CHD3: variants seen among roughly 807,000 people sequenced by gnomAD.
CHD3 encodes the protein ATP-dependent chromatin remodeler CHD3.
In CHD3, 52 loss-of-function variants were observed where a neutral mutation model predicts 248.9. The ratio of observed to expected loss-of-function variants is 0.21; its 90% CI spans 0.17 to 0.26. The LOEUF (loss-of-function observed/expected upper bound fraction) is 0.26, where lower values mean the gene tolerates loss of function less well. Ranked by LOEUF, CHD3 falls within the 10% of genes least tolerant of loss-of-function variation. The pLI, the probability that CHD3 is intolerant of heterozygous loss-of-function variation, is 1.00. For missense variants in CHD3, 1,482 were observed against 2,605.8 expected (o/e 0.57, Z 9.39); for synonymous variants, 985 against 985.2 (o/e 1.00, Z 0.00).
Position 7,903,449 on chromosome 17 carries a change from C to T in CHD3, c.3673C>T (p.Leu1225Phe). 1 of 1,614,200 alleles carries T rather than the reference C, an allele frequency of 6.2e-7. No homozygotes were observed. The highest frequency in any genetic ancestry group is 8.5e-7 in the Non-Finnish European group (1 of 1,180,046). ...GGCAGGCTCCATGTCCAAGCAGGAG[C>T]TTGACGACATTCTCAAATTTGGCAC... is the stretch of plus-strand genomic sequence containing the variant. ...SKAGSMSKQE[L>F]DDILKFGTEE... The change falls in exon 23 of 40, where the codon CTT (leucine) becomes TTT (phenylalanine). Residue 1225 changes from leucine to phenylalanine, a missense_variant. Transcript: ENST00000330494. This position sits in a 1 kb window ranked among gnomAD's most constrained non-coding sequence, Gnocchi z 6.8.
Position 7,900,812 on chromosome 17 carries a change from T to A in CHD3, c.2979-40T>A. 6.2e-7 allele frequency: 1 copy of A among 1,611,732 alleles called. No individual in the cohort carries two copies. Among genetic ancestry groups the A allele is most frequent in the Non-Finnish European group, 8.5e-7 (1 of 1,178,350 alleles). ...CAAGTGCAATATCATAATTGCTTCC[T>A]TTATTTATGTTTCTTTTACACCCCT... On this transcript the variant is annotated intron_variant, in intron 18 of 39. Transcript: ENST00000330494. This position sits in a 1 kb window ranked among gnomAD's most constrained non-coding sequence, Gnocchi z 6.5.
In CHD3 at chr17:7,906,470, C is replaced by A. The variant is rs1970965857; in HGVS notation, c.4359-83C>A. ...CTGGGGATTTGGGGGTTTGGGGGTC[C>A]TCAGTCATCCTCGCGCCTCCCTCAC... On this transcript the variant is annotated intron_variant, in intron 28 of 39. Coordinates refer to ENST00000330494, the MANE Select transcript of CHD3 (RefSeq NM_001005273.3). This position sits in a 1 kb window ranked among gnomAD's most constrained non-coding sequence, Gnocchi z 5.0. 1 of 1,473,896 alleles carries A rather than the reference C, an allele frequency of 6.8e-7. No homozygotes were observed. The highest frequency in any genetic ancestry group is 9.4e-7 in the Non-Finnish European group (1 of 1,068,666). The allele number at this position is 1,473,896 out of a possible 1,614,324, so 91.3% of individuals were successfully genotyped here.
Position 7,909,467 on chromosome 17 carries a change from C to T in CHD3, c.5590+129C>T, listed in dbSNP as rs1049134141. 1.7e-5 allele frequency: 23 copies of T among 1,317,706 alleles called. No individual in the cohort carries two copies. The African/African-American group carries it at 3.2e-4, about 18-fold the overall frequency. The allele number at this position is 1,317,706 out of a possible 1,614,324, so 81.6% of individuals were successfully genotyped here. On this transcript the variant is annotated intron_variant, in intron 37 of 39. Transcript: ENST00000330494. The surrounding 1 kb of genome is among the most constrained non-coding windows in gnomAD (Gnocchi z 8.1). ...TGAACCATCCCCCTCTGACCTCTAA[C>T]CCCACTCCTACCGACCTGGCACCCC... is the stretch of plus-strand genomic sequence containing the variant.
At position 7,911,523 on chromosome 17, in the gene CHD3, G is replaced by C. The variant is rs1248531611; in HGVS notation, c.5941G>C (p.Val1981Leu). Residue 1981 changes from valine to leucine, a missense_variant, in exon 40 of 40, where the codon GTG becomes CTG. Physicochemically the swap from Val to Leu is conservative, Grantham distance 32. This residue lies in a region of CHD3 where 117 missense variants were observed against 137.2 expected (regional missense o/e 0.85). Coordinates refer to ENST00000330494, the MANE Select transcript of CHD3 (RefSeq NM_001005273.3). The surrounding 1 kb of genome is among the most constrained non-coding windows in gnomAD (Gnocchi z 5.4). ...GGAGAAGGAAATGGTGGGGGCATTGGTGTCAGACGGGCTGGATCGGAAGGA... is the reference window on the plus strand; with the variant it reads ...GGAGAAGGAAATGGTGGGGGCATTGCTGTCAGACGGGCTGGATCGGAAGGA... ...KKEKEMVGAL[V>L]SDGLDRKEPR... 2 of 1,614,114 alleles carry C rather than the reference G, an allele frequency of 1.2e-6. No homozygotes were observed. Among genetic ancestry groups the C allele is most frequent in the African/African-American group, 2.7e-5 (2 of 74,946 alleles).
In CHD3 at chr17:7,903,254, TTTC is replaced by T. The variant is rs1448357796; in HGVS notation, c.3496-16_3496-14del. On this transcript the variant is annotated splice_polypyrimidine_tract_variant and intron_variant, in intron 22 of 39. Coordinates refer to ENST00000330494, the MANE Select transcript of CHD3 (RefSeq NM_001005273.3). The surrounding 1 kb of genome is among the most constrained non-coding windows in gnomAD (Gnocchi z 6.8). ...GCCACTCCCCTGACCCACCCGCCAC[TTTC>T]TCTTGCCCCTGCAGGCCTTTAGCCG... 2 of 1,611,638 alleles carry T rather than the reference TTTC, an allele frequency of 1.2e-6. No individual in the cohort carries two copies. The highest frequency in any genetic ancestry group is 2.7e-5 in the African/African-American group (2 of 74,876).
Position 7,905,799 on chromosome 17 carries a change from A to G in CHD3, c.4225-57A>G. 6.2e-7 allele frequency: 1 copy of G among 1,614,048 alleles called. No homozygotes were observed. The highest frequency in any genetic ancestry group is 8.5e-7 in the Non-Finnish European group (1 of 1,179,976). On this transcript the variant is annotated intron_variant, in intron 27 of 39. Coordinates refer to ENST00000330494, the MANE Select transcript of CHD3 (RefSeq NM_001005273.3). This position sits in a 1 kb window ranked among gnomAD's most constrained non-coding sequence, Gnocchi z 5.8. Reference sequence around the variant, plus strand: ...GCCTGGATCACTGAAGGTAGAAAGGACAAGACCTAAGAACCCTAGACATTT... The same window carrying G: ...GCCTGGATCACTGAAGGTAGAAAGGGCAAGACCTAAGAACCCTAGACATTT...
At chr17:7,885,349 C>A, upstream of CHD3, 2 of 139,830 alleles carry the variant, frequency 1.4e-5, no homozygotes, top group Non-Finnish European at 2.8e-5. Flanking sequence ...CGCCGCCACC[C>A]CGGCTGGAGA....
At position 7,908,819 on chromosome 17, in the gene CHD3, G is replaced by A. The variant is rs1487730047; in HGVS notation, c.5384G>A (p.Arg1795Gln). The change falls in exon 36 of 40, where the codon CGG becomes CAG. Residue 1795 changes from arginine (R) to glutamine (Q), a missense_variant. Around this residue, in one of 20 missense-constraint regions of CHD3, gnomAD observed 83 missense variants for 181.0 expected, o/e 0.46. Coordinates refer to ENST00000330494, the MANE Select transcript of CHD3 (RefSeq NM_001005273.3). This position sits in a 1 kb window ranked among gnomAD's most constrained non-coding sequence, Gnocchi z 5.8. ...FLEMKNKFLA[R>Q]RFKLLEQALV... Reference sequence around the variant, plus strand: ...GAGATGAAAAATAAGTTCCTGGCCCGGAGGTTCAAGGTGGGAATGAGGGAG... The same window carrying A: ...GAGATGAAAAATAAGTTCCTGGCCCAGAGGTTCAAGGTGGGAATGAGGGAG... 1.9e-6 allele frequency: 3 copies of A among 1,613,970 alleles called. No homozygotes were observed. The highest frequency in any genetic ancestry group is 8.5e-7 in the Non-Finnish European group (1 of 1,180,004).
intron 3 of CHD3, 66 bp from the exon 4 acceptor site, chr17:7,890,874 G>A: frequency 6.2e-7 from 1 of 1,606,836 alleles, no homozygotes; most frequent in Non-Finnish European, 8.5e-7. Context: ...TAGGTAGACA[G>A]GCCTGTGTGC....
At position 7,908,424 on chromosome 17, in the gene CHD3, T is replaced by G; in HGVS notation, c.5175T>G (p.Asn1725Lys). The G allele has an allele frequency of 6.2e-7, 1 of 1,613,638 alleles. No individual in the cohort carries two copies. Among genetic ancestry groups the G allele is most frequent in the Non-Finnish European group, 8.5e-7 (1 of 1,179,742 alleles). Residue 1725 changes from asparagine (N) to lysine (K), a missense_variant, in exon 35 of 40, where the codon AAT (asparagine) becomes AAG (lysine). Asn to Lys is a moderately conservative substitution (Grantham distance 94, BLOSUM62 0). Coordinates refer to ENST00000330494, the MANE Select transcript of CHD3 (RefSeq NM_001005273.3). This position sits in a 1 kb window ranked among gnomAD's most constrained non-coding sequence, Gnocchi z 5.8. ...CAGAGCTTCACACACTGTGGCAGAA[T>G]GAGGAACGGGCAGCTATTTCCTCGG... is the stretch of plus-strand genomic sequence containing the variant. ...GFTELHTLWQNEERAAISSGK... is the reference protein window; with the variant it reads ...GFTELHTLWQKEERAAISSGK...
At chr17:7,887,089 T>C (rs1231010030), upstream of CHD3, among the ~76,000 whole-genome samples, 1 of 152,100 alleles carries the variant, frequency 6.6e-6, no homozygotes, top group African/African-American at 2.4e-5. Context: ...GAGGTAAAAC[T>C]TCGGGAAATT....
Position 7,899,493 on chromosome 17 carries a change from T to A in CHD3, c.2494T>A (p.Ser832Thr), listed in dbSNP as rs1207127823. 6.2e-7 allele frequency: 1 copy of A among 1,614,076 alleles called. No homozygotes were observed. The highest frequency in any genetic ancestry group is 1.3e-5 in the African/African-American group (1 of 74,914). The change falls in exon 15 of 40, where the codon TCC becomes ACC. Residue 832 changes from serine to threonine, a missense_variant. Physicochemically the swap from Ser to Thr is moderately conservative, Grantham distance 58. Transcript: ENST00000330494. This position sits in a 1 kb window ranked among gnomAD's most constrained non-coding sequence, Gnocchi z 6.8. ...GGCCATCATTCGTGAGAATGAATTC[T>A]CCTTTGAGGACAATGCCATCAAAGG... Reference protein sequence around the residue: ...SRAIIRENEFSFEDNAIKGGK... With the variant: ...SRAIIRENEFTFEDNAIKGGK...
chr17:7,905,065 C>T lies in CHD3; in HGVS notation c.4073-35C>T, dbSNP rs192531054. Reference sequence around the variant, plus strand: ...CTCAGCATGGGCATATCCCGAGAGCCCTCCCTGACCACTGGGCCCTTTCCA... The same window carrying T: ...CTCAGCATGGGCATATCCCGAGAGCTCTCCCTGACCACTGGGCCCTTTCCA... On this transcript the variant is annotated intron_variant, in intron 25 of 39. Transcript: ENST00000330494. The surrounding 1 kb of genome is among the most constrained non-coding windows in gnomAD (Gnocchi z 5.8). The T allele has an allele frequency of 8.6e-4, 1,375 of 1,601,642 alleles. 3 individuals are homozygous for T. The highest frequency in any genetic ancestry group is 7.5e-4 in the Non-Finnish European group (880 of 1,168,700).
At position 7,911,032 on chromosome 17, in the gene CHD3, T is replaced by C; in HGVS notation, c.5881+59T>C. ...CACTCCTCCTTTGCCAAACTTTATTTCTGCTCAGCTGCCCTTTAACTGCTC... is the reference window on the plus strand; with the variant it reads ...CACTCCTCCTTTGCCAAACTTTATTCCTGCTCAGCTGCCCTTTAACTGCTC... On this transcript the variant is annotated intron_variant, in intron 39 of 39. Transcript: ENST00000330494. This position sits in a 1 kb window ranked among gnomAD's most constrained non-coding sequence, Gnocchi z 5.4. 6.2e-7 allele frequency: 1 copy of C among 1,603,636 alleles called. No homozygotes were observed. The highest frequency in any genetic ancestry group is 8.5e-7 in the Non-Finnish European group (1 of 1,175,600).
At chr17:7,893,979 A>G in intron 6 of CHD3, 44 bp downstream of exon 6, 1 of 1,572,846 alleles carries the variant, frequency 6.4e-7, no homozygotes, top group Non-Finnish European at 8.6e-7. Flanking sequence ...GGGGCCAAGG[A>G]TCCAGAGACA....
At chr17:7,902,566 C>A in intron 20 of CHD3, 44 bp from the exon 21 acceptor site, 2 of 1,305,000 alleles carry the variant, frequency 1.5e-6, no homozygotes, top group Non-Finnish European at 2.2e-6. Flanking sequence ...GCAAGCATCC[C>A]ACCACCTCAT....
Position 7,905,618 on chromosome 17 carries a change from C to T in CHD3, c.4139-3C>T, listed in dbSNP as rs879233574. ...AGCTAACTGATGTCATCCCCACCCT[C>T]AGGGCGTAGACAGTCAAAGAGGCAG... On this transcript the variant is annotated splice_region_variant and splice_polypyrimidine_tract_variant and intron_variant, in intron 26 of 39. Transcript: ENST00000330494. The surrounding 1 kb of genome is among the most constrained non-coding windows in gnomAD (Gnocchi z 5.8). 7 of 1,586,676 alleles carry T rather than the reference C, an allele frequency of 4.4e-6. No homozygotes were observed. In the South Asian group the frequency reaches 8.0e-5, roughly 18 times the overall value.
upstream of CHD3, among the ~76,000 whole-genome samples, chr17:7,888,128 C>T (rs1968263723): frequency 6.6e-6 from 1 of 152,242 alleles, no homozygotes; most frequent in African/African-American, 2.4e-5. Flanking sequence ...GGCATGGCGC[C>T]TTCCTTGCTG....
chr17:7,908,553 G>A lies in CHD3; in HGVS notation c.5261+43G>A. 2 of 1,575,158 alleles carry A rather than the reference G, an allele frequency of 1.3e-6. No homozygotes were observed. The highest frequency in any genetic ancestry group is 1.2e-5 in the South Asian group (1 of 86,836). On this transcript the variant is annotated intron_variant, in intron 35 of 39. Transcript: ENST00000330494. The surrounding 1 kb of genome is among the most constrained non-coding windows in gnomAD (Gnocchi z 5.8). The stretch of plus-strand genomic sequence containing the variant: ...TGCAAGAAGGAAAAGGTTCTCTCAA[G>A]CTGGCAAAAAAAAAAAAGATGATTT...
Sources: allele counts gnomAD v4.1 joint callset (sites outside exome capture counted in the v4.1 genomes callset), GRCh38; gene constraint gnomAD v4.1.1; regional missense constraint gnomAD v4.1.1; non-coding constraint Gnocchi (gnomAD v3.1); transcripts MANE v1.5; gene names NCBI Gene and HGNC (gene_info 2026-07-23, HGNC 2026-07-21).